ATP13A5: variants seen among roughly 807,000 people sequenced by gnomAD.
ATP13A5 encodes probable cation-transporting ATPase 13A5.
ATP13A5 carries 149 observed loss-of-function variants against 150.2 expected under a neutral mutation model. That is an observed-to-expected ratio of 0.99 (90% CI 0.87 to 1.14). The LOEUF (loss-of-function observed/expected upper bound fraction) is 1.14, where lower values mean the gene tolerates loss of function less well. Ranked by LOEUF, ATP13A5 falls within the 50% of genes most tolerant of loss-of-function variation. ATP13A5 has a pLI of 0.00. For synonymous variants in ATP13A5, 497 were observed against 522.2 expected (o/e 0.95, Z 0.66); for missense variants, 1,383 against 1,449.3 (o/e 0.95, Z 0.74).
chr3:193,303,758 A>T (rs7372957), intron 23 of ATP13A5, among the ~76,000 whole-genome samples: 6 of 151,510 alleles, frequency 4.0e-5, no homozygotes, highest in Non-Finnish European at 7.4e-5. Context: ...CCACATGGGA[A>T]GTGACCCACA....
chr3:193,363,415 A>G, intron 2 of ATP13A5, 33 bp from the exon 3 acceptor site: 3 of 1,597,750 alleles, frequency 1.9e-6, no homozygotes, highest in Admixed American at 3.4e-5. Flanking sequence ...TGAAATTCTC[A>G]AGTGTTATTC....
intron 1 of ATP13A5, among the ~76,000 whole-genome samples, chr3:193,372,580 C>T (rs1713486028): frequency 5.8e-5 from 1 of 17,312 alleles, no homozygotes; most frequent in Non-Finnish European, 1.4e-4. Flanking sequence ...CAGATTATGG[C>T]AGAACTTTTA....
chr3:193,367,692 A>G (rs1036024773), intron 1 of ATP13A5, among the ~76,000 whole-genome samples: 1 of 152,188 alleles, frequency 6.6e-6, no homozygotes, highest in Non-Finnish European at 1.5e-5. Flanking sequence ...GTACTTTGCC[A>G]TTCCATGCAC....
At chr3:193,364,496 T>C (rs1174659566) in intron 1 of ATP13A5, among the ~76,000 whole-genome samples, 2 of 152,130 alleles carry the variant, frequency 1.3e-5, no homozygotes, top group Admixed American at 6.5e-5. Flanking sequence ...ACTAAAACAT[T>C]AAACAGAAAG....
intron 19 of ATP13A5, chr3:193,313,640 T>G (rs1003802048): frequency 1.2e-5 from 2 of 167,646 alleles, no homozygotes; most frequent in Non-Finnish European, 2.6e-5. Flanking sequence ...GCAATCTTAC[T>G]GCTCTGAGCC....
intron 16 of ATP13A5, among the ~76,000 whole-genome samples, chr3:193,320,045 T>A (rs1441160387): frequency 1.3e-5 from 2 of 152,216 alleles, no homozygotes; most frequent in Non-Finnish European, 2.9e-5. Context: ...AGCATGGCAA[T>A]CACAACTATG....
At chr3:193,314,237 C>T (rs1718962431) in intron 18 of ATP13A5, 44 bp from the exon 19 acceptor site, 2 of 1,594,030 alleles carry the variant, frequency 1.3e-6, no homozygotes, top group African/African-American at 2.7e-5. Context: ...ACAAACCTCC[C>T]CTCAGCAACA....
chr3:193,375,856 C>G (rs1285601947), intron 1 of ATP13A5, among the ~76,000 whole-genome samples: 1 of 152,180 alleles, frequency 6.6e-6, no homozygotes, highest in Admixed American at 6.5e-5. Context: ...CAGCATCGCC[C>G]CTCCATCCAC....
intron 1 of ATP13A5, among the ~76,000 whole-genome samples, chr3:193,376,783 C>G (rs758629356): frequency 6.6e-6 from 1 of 152,192 alleles, no homozygotes; most frequent in African/African-American, 2.4e-5. Context: ...ATCAGTTCAG[C>G]AATTGCCTGG....
rs777642195 is a variant in ATP13A5, at chr3:193,311,921, T to C, written c.2340A>G (p.Gly780=). ...PGKKEIYMHT[G]NSSTPRGEGG... ...CTTCCCCACGAGGGGTTGAACTGTT[T>C]CCAGTATGCATGTAGATTTCCTAAA... The change falls in exon 20 of 30, where the codon GGA becomes GGG. Residue 780 remains glycine (G), a synonymous_variant. Transcript: ENST00000342358. 5.6e-6 allele frequency: 9 copies of C among 1,613,748 alleles called. No individual in the cohort carries two copies. In the East Asian group the frequency reaches 2.0e-4, roughly 36 times the overall value.
At chr3:193,320,349 TG>T (rs1560131207) in intron 16 of ATP13A5, among the ~76,000 whole-genome samples, 1 of 152,180 alleles carries the variant, frequency 6.6e-6, no homozygotes, top group African/African-American at 2.4e-5. Flanking sequence ...TTTCTAAAAA[TG>T]GGGTACGGTG....
intron 27 of ATP13A5, among the ~76,000 whole-genome samples, chr3:193,283,183 A>T (rs186542408): frequency 6.6e-6 from 1 of 152,298 alleles, no homozygotes; most frequent in African/African-American, 2.4e-5. Flanking sequence ...TTAAAAACTC[A>T]ATAGTCAATA....
rs576920200 is a variant in ATP13A5, at chr3:193,316,106, A to G, written c.2034-1010T>C. ...TATTTCACTTAGCATGATGTCTTTC[A>G]GTTTCATTCATGTTGTCTCATATGG... On this transcript the variant is annotated intron_variant, in intron 17 of 29. Coordinates refer to ENST00000342358, the MANE Select transcript of ATP13A5 (RefSeq NM_198505.4). Among the ~76,000 whole-genome samples the G allele has an allele frequency of 1.3e-4, 20 of 152,232 alleles. No homozygotes were observed. The South Asian group carries it at 3.1e-3, about 24-fold the overall frequency.
intron 14 of ATP13A5, among the ~76,000 whole-genome samples, 155 bp from the exon 15 acceptor site, chr3:193,322,729 T>C (rs1478479139): frequency 6.6e-6 from 1 of 152,240 alleles, no homozygotes; most frequent in Non-Finnish European, 1.5e-5. Flanking sequence ...GTCAAATTTC[T>C]GTTGTATCGA....
intron 25 of ATP13A5, among the ~76,000 whole-genome samples, chr3:193,295,912 G>A (rs1348047854): frequency 6.6e-6 from 1 of 152,160 alleles, no homozygotes; most frequent in Non-Finnish European, 1.5e-5. Flanking sequence ...ACAACCCCAT[G>A]AGGGGAAGTC....
At chr3:193,331,044 T>C in intron 12 of ATP13A5, 79 bp downstream of exon 12, 1 of 1,430,550 alleles carries the variant, frequency 7.0e-7, no homozygotes, top group South Asian at 1.3e-5. Context: ...AACACTGGAC[T>C]AGACATTTTC....
chr3:193,282,119 C>T (rs367574968), intron 27 of ATP13A5, among the ~76,000 whole-genome samples: 26 of 151,904 alleles, frequency 1.7e-4, no homozygotes, highest in African/African-American at 6.0e-4. Flanking sequence ...TGCTTGATCC[C>T]GGGAGGTGAA....
intron 18 of ATP13A5, 87 bp from the exon 19 acceptor site, chr3:193,314,280 G>T: frequency 7.0e-7 from 1 of 1,437,422 alleles, no homozygotes; most frequent in Non-Finnish European, 9.5e-7. Context: ...ACTCTGCTTG[G>T]TGTTCTTTGA....
intron 1 of ATP13A5, among the ~76,000 whole-genome samples, chr3:193,375,365 T>G (rs2108587766): frequency 6.6e-6 from 1 of 152,336 alleles, no homozygotes; most frequent in South Asian, 2.1e-4. Flanking sequence ...TATGGAGCTA[T>G]ATAACCTGGA....
Sources: allele counts gnomAD v4.1 joint callset (sites outside exome capture counted in the v4.1 genomes callset), GRCh38; gene constraint gnomAD v4.1.1; transcripts MANE v1.5; gene names NCBI Gene and HGNC (gene_info 2026-07-23, HGNC 2026-07-21).